SPTB: variants seen among roughly 807,000 people sequenced by gnomAD.
The protein encoded by SPTB is spectrin beta chain, erythrocytic.
In SPTB, 45 loss-of-function variants were observed where a neutral mutation model predicts 256.2. The ratio of observed to expected loss-of-function variants is 0.18; its 90% CI spans 0.14 to 0.23. The LOEUF is 0.23. Among genes scored for constraint, SPTB ranks in the 10% least tolerant of loss-of-function variants. SPTB has a pLI of 1.00. For synonymous variants in SPTB, 1,231 were observed against 1,243.1 expected, an observed-to-expected ratio of 0.99 and a Z score of 0.21; for missense variants, 2,715 against 3,040.4, an observed-to-expected ratio of 0.89 and a Z score of 2.52.
chr14:64,801,782 C>T lies in SPTB; in HGVS notation c.619G>A (p.Ala207Thr). 1 of 1,614,188 alleles carries T rather than the reference C, an allele frequency of 6.2e-7. No individual in the cohort carries two copies. Among genetic ancestry groups the T allele is most frequent in the Non-Finnish European group, 8.5e-7 (1 of 1,180,030 alleles). Residue 207 changes from alanine (A) to threonine (T), a missense_variant, in exon 6 of 36, where the codon GCC (alanine) becomes ACC (threonine). Ala to Thr is a moderately conservative substitution (Grantham distance 58). This residue lies in a region of SPTB where 416 missense variants were observed against 571.1 expected (regional missense o/e 0.73). Coordinates refer to ENST00000644917, the MANE Select transcript of SPTB (RefSeq NM_001355436.2). ...NFTSSWKDGLAFNALIHKHRP... is the reference protein window; with the variant it reads ...NFTSSWKDGLTFNALIHKHRP... ...TGCTTGTGTATCAGGGCATTAAAGG[C>T]CAAGCCATCCTTCCAGCTGGAGGTA...
chr14:64,753,398 G>A, intron 33 of SPTB, 139 bp downstream of exon 33: 3 of 1,283,264 alleles, frequency 2.3e-6, no homozygotes, highest in Admixed American at 2.0e-5. Context: ...GGCCCAGAGG[G>A]GTGTCTAGGA....
At chr14:64,768,729 T>TC (rs1314292870) in intron 29 of SPTB, among the ~76,000 whole-genome samples, 14 of 120,952 alleles carry the variant, frequency 1.2e-4, no homozygotes, top group Admixed American at 1.5e-4. Context: ...CCCCAACTCC[T>TC]CCCCCAGGCC....
chr14:64,814,685 T>G (rs976134163), intron 2 of SPTB, among the ~76,000 whole-genome samples: 7 of 152,050 alleles, frequency 4.6e-5, no homozygotes, highest in African/African-American at 1.7e-4. Context: ...CCAGCTAATT[T>G]TTTGTATTTT....
chr14:64,850,396 T>C (rs1594841860), intron 1 of SPTB, among the ~76,000 whole-genome samples: 2 of 152,226 alleles, frequency 1.3e-5, no homozygotes, highest in African/African-American at 4.8e-5. Context: ...ACCACTGTAG[T>C]TGATTCAACC....
At chr14:64,753,930 C>T in intron 32 of SPTB, 137 bp from the exon 33 acceptor site, 3 of 1,164,634 alleles carry the variant, frequency 2.6e-6, no homozygotes, top group South Asian at 2.6e-5. Context: ...CACCTCCTGG[C>T]CCACCCTGGC....
At position 64,795,260 on chromosome 14, in the gene SPTB, G is replaced by C; in HGVS notation, c.1644+77C>G. 1 of 1,537,504 alleles carries C rather than the reference G, an allele frequency of 6.5e-7. No individual in the cohort carries two copies. Among genetic ancestry groups the C allele is most frequent in the African/African-American group, 1.4e-5 (1 of 73,542 alleles). On this transcript the variant is annotated intron_variant, in intron 12 of 35. Coordinates refer to ENST00000644917, the MANE Select transcript of SPTB (RefSeq NM_001355436.2). This position sits in a 1 kb window ranked among gnomAD's most constrained non-coding sequence, Gnocchi z 6.5. ...GACTGGCTGGGAGGTGTCTAAGGAA[G>C]CCTATGCTAACTGCAGGGCCACTGA... is the stretch of plus-strand genomic sequence containing the variant.
intron 1 of SPTB, among the ~76,000 whole-genome samples, chr14:64,871,122 A>C (rs1017579380): frequency 6.6e-5 from 10 of 152,240 alleles, no homozygotes; most frequent in African/African-American, 2.2e-4. Context: ...ATATACAAAG[A>C]AAGTTAATAA....
intron 10 of SPTB, among the ~76,000 whole-genome samples, chr14:64,797,256 T>C (rs1366229208): frequency 1.3e-5 from 2 of 151,904 alleles, no homozygotes; most frequent in South Asian, 2.1e-4. Flanking sequence ...GAGGATTGTT[T>C]GAGCCCAGTA....
Position 64,825,674 on chromosome 14 carries a change from A to G in SPTB, c.-51-2529T>C, listed in dbSNP as rs1239513680. 6.6e-6 allele frequency among the ~76,000 whole-genome samples: 1 copy of G among 152,224 alleles called. No homozygotes were observed. Among genetic ancestry groups the G allele is most frequent in the African/African-American group, 2.4e-5 (1 of 41,460 alleles). On this transcript the variant is annotated intron_variant, in intron 1 of 35. Coordinates refer to ENST00000644917, the MANE Select transcript of SPTB (RefSeq NM_001355436.2). This position sits in a 1 kb window ranked among gnomAD's most constrained non-coding sequence, Gnocchi z 4.8. Reference sequence around the variant, plus strand: ...TGGCTCTCCTGATTCGTCCTGGGCTATTTTTAAGAGTGGCTGAGAGAGGCC... The same window carrying G: ...TGGCTCTCCTGATTCGTCCTGGGCTGTTTTTAAGAGTGGCTGAGAGAGGCC...
rs765225112 is a variant in SPTB at position 64,782,470 on chromosome 14, G to C, written c.4086C>G (p.Asp1362Glu). 3.1e-6 allele frequency: 5 copies of C among 1,614,116 alleles called. No homozygotes were observed. The South Asian group carries it at 4.4e-5, about 14-fold the overall frequency. Residue 1362 changes from aspartate (D) to glutamate (E), a missense_variant, in exon 20 of 36, where the codon GAC becomes GAG. Asp to Glu is a conservative substitution (Grantham distance 45). This residue lies in a region of SPTB where 2,239 missense variants were observed against 2,384.4 expected (regional missense o/e 0.94). Coordinates refer to ENST00000644917, the MANE Select transcript of SPTB (RefSeq NM_001355436.2). The stretch of plus-strand genomic sequence containing the variant: ...TCTCCTTTGTGGTGGCCTGCAGCTC[G>C]TCCCAGAGCCGGTGCAGGGCTTCCA... ...QKLEALHRLW[D>E]ELQATTKEKT...
intron 30 of SPTB, 107 bp from the exon 31 acceptor site, chr14:64,767,459 T>C: frequency 6.7e-7 from 1 of 1,494,320 alleles, no homozygotes; most frequent in Non-Finnish European, 9.3e-7. Flanking sequence ...CCCTGACACT[T>C]GTTCCTTCTA....
At chr14:64,877,992 C>T (rs542024493) in intron 1 of SPTB, among the ~76,000 whole-genome samples, 2 of 152,302 alleles carry the variant, frequency 1.3e-5, no homozygotes, top group Non-Finnish European at 2.9e-5. Flanking sequence ...GAACTTGATA[C>T]GCCTGTGCTA....
In SPTB at chr14:64,774,458, G is replaced by C; in HGVS notation, c.4912C>G (p.Arg1638Gly). 1 of 1,564,750 alleles carries C rather than the reference G, an allele frequency of 6.4e-7. No individual in the cohort carries two copies. Among genetic ancestry groups the C allele is most frequent in the Non-Finnish European group, 8.7e-7 (1 of 1,154,332 alleles). Residue 1638 changes from arginine to glycine, a missense_variant, in exon 24 of 36, where the codon CGG becomes GGG. By Grantham distance (125) the Arg-to-Gly change is moderately radical. This residue lies in a region of SPTB where 2,239 missense variants were observed against 2,384.4 expected (regional missense o/e 0.94). Transcript: ENST00000644917. ...CGGCTGGCCAGCTGCTTGATGTTCC[G>C]GCCGTAGTCCTCCACCGCACGCTGC... Reference protein sequence around the residue: ...RQQRAVEDYGRNIKQLASRAQ... With the variant: ...RQQRAVEDYGGNIKQLASRAQ...
At chr14:64,805,329 A>G (rs1248284340) in intron 2 of SPTB, among the ~76,000 whole-genome samples, 1 of 152,174 alleles carries the variant, frequency 6.6e-6, no homozygotes, top group Non-Finnish European at 1.5e-5. Context: ...TTCTATGCAC[A>G]GTATCAGGAC....
At chr14:64,860,356 C>T (rs2083948138) in intron 1 of SPTB, among the ~76,000 whole-genome samples, 1 of 152,186 alleles carries the variant, frequency 6.6e-6, no homozygotes, top group African/African-American at 2.4e-5. Flanking sequence ...CATCCTGGTG[C>T]CCCAGAATGG....
Position 64,822,586 on chromosome 14 carries a change from G to A in SPTB, c.148+361C>T, listed in dbSNP as rs539233494. Among the ~76,000 whole-genome samples, 6 of 152,140 alleles carry A rather than the reference G, an allele frequency of 3.9e-5. No homozygotes were observed. In the South Asian group the frequency reaches 1.2e-3, roughly 32 times the overall value. Reference sequence around the variant, plus strand: ...AATTCCTCTCTCTAGGCCCAGGCAGGAAATCGGGGTTAACCAGGAGGCCCT... The same window carrying A: ...AATTCCTCTCTCTAGGCCCAGGCAGAAAATCGGGGTTAACCAGGAGGCCCT... On this transcript the variant is annotated intron_variant, in intron 2 of 35. Transcript: ENST00000644917.
chr14:64,795,677 C>T lies in SPTB; in HGVS notation c.1342-38G>A, dbSNP rs1401272978. ...GAGAAAAACAGGCAGCTCAGTCAGACACCCAGGGGCTCATCCCCAAACTCA... is the reference window on the plus strand; with the variant it reads ...GAGAAAAACAGGCAGCTCAGTCAGATACCCAGGGGCTCATCCCCAAACTCA... On this transcript the variant is annotated intron_variant, in intron 11 of 35. Transcript: ENST00000644917. The surrounding 1 kb of genome is among the most constrained non-coding windows in gnomAD (Gnocchi z 6.5). 1.2e-6 allele frequency: 2 copies of T among 1,609,350 alleles called. No individual in the cohort carries two copies. Among genetic ancestry groups the T allele is most frequent in the Admixed American group, 1.7e-5 (1 of 59,956 alleles).
chr14:64,863,132 A>G (rs1288970352), intron 1 of SPTB, among the ~76,000 whole-genome samples: 1 of 151,864 alleles, frequency 6.6e-6, no homozygotes, highest in Non-Finnish European at 1.5e-5. Flanking sequence ...GTTGTATGTC[A>G]CTCCCCTGTT....
intron 14 of SPTB, 54 bp from the exon 15 acceptor site, chr14:64,791,910 C>G: frequency 6.2e-7 from 1 of 1,610,896 alleles, no homozygotes; most frequent in Non-Finnish European, 8.5e-7. Context: ...CAGACATTTC[C>G]TTGCCAGTGG....
Sources: allele counts gnomAD v4.1 joint callset (sites outside exome capture counted in the v4.1 genomes callset), GRCh38; gene constraint gnomAD v4.1.1; regional missense constraint gnomAD v4.1.1; non-coding constraint Gnocchi (gnomAD v3.1); transcripts MANE v1.5; gene names NCBI Gene and HGNC (gene_info 2026-07-23, HGNC 2026-07-21).